Variants in ESRRB observed in about 807,000 individuals in gnomAD.
ESRRB encodes the protein steroid hormone receptor ERR2.
A neutral mutation model predicts 46.0 loss-of-function variants in ESRRB; 16 were observed. The ratio of observed to expected loss-of-function variants is 0.35; its 90% CI spans 0.24 to 0.53. The LOEUF (loss-of-function observed/expected upper bound fraction) is 0.53, where lower values mean the gene tolerates loss of function less well. Ranked by LOEUF, ESRRB falls within the 20% of genes least tolerant of loss-of-function variation. The pLI is 0.93. For missense variants in ESRRB, 488 were observed against 607.4 expected, an observed-to-expected ratio of 0.80 and a Z score of 2.07; for synonymous variants, 246 against 259.6, an observed-to-expected ratio of 0.95 and a Z score of 0.50.
rs150432706 is a variant in ESRRB, at chr14:76,398,425, C to T, written c.50+21974C>T. ...CTCTCTCTCTGTTGGAAACTGAGTC[C>T]GCTTTTTGTTATTGCTTCCCCCATC... is the stretch of plus-strand genomic sequence containing the variant. On this transcript the variant is annotated intron_variant, in intron 1 of 6. Coordinates refer to ENST00000644823, the MANE Select transcript of ESRRB (RefSeq NM_001379180.1). 9.3e-4 allele frequency among the ~76,000 whole-genome samples: 141 copies of T among 152,254 alleles called. 1 individual carries two copies. The highest frequency in any genetic ancestry group is 1.2e-3 in the South Asian group (6 of 4,810).
intron 1 of ESRRB, among the ~76,000 whole-genome samples, chr14:76,339,120 T>A (rs899151078): frequency 2.6e-5 from 4 of 152,196 alleles, no homozygotes; most frequent in African/African-American, 9.7e-5. Context: ...TGTATCTTTC[T>A]AGGGCCCTAA....
upstream of ESRRB, among the ~76,000 whole-genome samples, chr14:76,370,504 C>A (rs370308423): frequency 6.6e-6 from 1 of 152,136 alleles, no homozygotes. Flanking sequence ...AAAAACTCCA[C>A]AATCCACTGT....
intron 1 of ESRRB, among the ~76,000 whole-genome samples, chr14:76,414,438 C>A (rs1309159753): frequency 6.6e-6 from 1 of 151,230 alleles, no homozygotes; most frequent in Non-Finnish European, 1.5e-5. Context: ...GCAGTACCTT[C>A]TGCGTCTGAT....
chr14:76,460,788 G>A (rs1184688245), intron 2 of ESRRB, among the ~76,000 whole-genome samples: 1 of 149,594 alleles, frequency 6.7e-6, no homozygotes, highest in Non-Finnish European at 1.5e-5. Flanking sequence ...TGCAACCTCC[G>A]CCTCATGGGT....
intron 1 of ESRRB, among the ~76,000 whole-genome samples, chr14:76,346,914 G>T (rs1458800936): frequency 6.6e-6 from 1 of 152,194 alleles, no homozygotes. Context: ...AAGCCCCACT[G>T]TCTTATTTAC....
intron 1 of ESRRB, among the ~76,000 whole-genome samples, chr14:76,352,201 G>A (rs1167395637): frequency 6.6e-6 from 1 of 152,076 alleles, no homozygotes; most frequent in Non-Finnish European, 1.5e-5. Context: ...TTTTTCGTGT[G>A]TAAAATGAGA....
chr14:76,340,458 T>C (rs547955276), intron 1 of ESRRB, among the ~76,000 whole-genome samples: 1 of 152,360 alleles, frequency 6.6e-6, no homozygotes, highest in African/African-American at 2.4e-5. Flanking sequence ...CGTGGCTTCA[T>C]GTCAGCCAGC....
At chr14:76,354,813 G>C (rs1045647633) in intron 1 of ESRRB, among the ~76,000 whole-genome samples, 1 of 150,664 alleles carries the variant, frequency 6.6e-6, no homozygotes, top group Admixed American at 6.6e-5. Context: ...GGGTTCAAGA[G>C]ATTCTCCTGC....
At chr14:76,358,412 AAAAG>A (rs1566859744) in intron 1 of ESRRB, among the ~76,000 whole-genome samples, 1 of 147,492 alleles carries the variant, frequency 6.8e-6, no homozygotes, top group African/African-American at 2.5e-5. Context: ...AGAAAGAAAG[AAAAG>A]AAAAGAAAAA....
chr14:76,322,950 C>A (rs58684466), intron 1 of ESRRB, among the ~76,000 whole-genome samples: 9,870 of 152,306 alleles, frequency 0.065, 456 homozygotes, highest in South Asian at 0.16. Flanking sequence ...TATCCTCTAT[C>A]TGCCCGTGAC....
chr14:76,352,646 A>C (rs2360999), intron 1 of ESRRB, among the ~76,000 whole-genome samples: 39,486 of 152,134 alleles, frequency 0.26, 5,380 homozygotes, highest in African/African-American at 0.35. Context: ...TCTGACTATA[A>C]AGTGGAGACA....
chr14:76,361,305 G>A (rs1595054720), intron 1 of ESRRB, among the ~76,000 whole-genome samples: 4 of 152,158 alleles, frequency 2.6e-5, no homozygotes. Context: ...TATGATGGGA[G>A]GCTGGGATGT....
At chr14:76,355,460 C>T (rs969817744) in intron 1 of ESRRB, among the ~76,000 whole-genome samples, 4 of 152,264 alleles carry the variant, frequency 2.6e-5, no homozygotes, top group East Asian at 1.9e-4. Flanking sequence ...TCGTCTGCCA[C>T]GTCCCCACAG....
At chr14:76,402,879 G>C (rs1210167576) in intron 1 of ESRRB, among the ~76,000 whole-genome samples, 1 of 152,054 alleles carries the variant, frequency 6.6e-6, no homozygotes, top group Non-Finnish European at 1.5e-5. Flanking sequence ...CCTGGAGACA[G>C]GGTCTTGCTC....
At chr14:76,358,326 AGAAAG>A (rs1884412767) in intron 1 of ESRRB, among the ~76,000 whole-genome samples, 3 of 34,022 alleles carry the variant, frequency 8.8e-5, no homozygotes, top group Non-Finnish European at 1.4e-4. Flanking sequence ...AAAAAAAAAA[AGAAAG>A]AAAGAAAGAA....
At chr14:76,387,380 T>C (rs1429310072) in intron 1 of ESRRB, among the ~76,000 whole-genome samples, 1 of 152,206 alleles carries the variant, frequency 6.6e-6, no homozygotes, top group Non-Finnish European at 1.5e-5. Context: ...CTGCACCCCA[T>C]GGGTGACAGT....
intron 1 of ESRRB, among the ~76,000 whole-genome samples, chr14:76,359,618 A>G (rs56047971): frequency 0.055 from 8,373 of 152,222 alleles, 351 homozygotes; most frequent in East Asian, 0.12. Context: ...GCTCTTGCCC[A>G]GACAGACCCC....
At chr14:76,420,085 C>T (rs55912575) in intron 1 of ESRRB, among the ~76,000 whole-genome samples, 32,228 of 152,076 alleles carry the variant, frequency 0.21, 4,429 homozygotes, top group African/African-American at 0.39. Context: ...GTAATGTAGA[C>T]TTTTTTTCTC....
intron 2 of ESRRB, among the ~76,000 whole-genome samples, chr14:76,453,444 C>T (rs1888476129): frequency 6.6e-6 from 1 of 151,970 alleles, no homozygotes; most frequent in Non-Finnish European, 1.5e-5. Flanking sequence ...GAGGATGACT[C>T]TGTGAAAAAA....
Sources: gnomAD v4.1 joint callset for allele counts (sites outside exome capture counted in the v4.1 genomes callset) on GRCh38, gnomAD v4.1.1 for gene constraint, MANE v1.5 for transcripts, NCBI Gene and HGNC (gene_info 2026-07-23, HGNC 2026-07-21) for gene names.